Variants in SLX4 observed in about 807,000 individuals in gnomAD.
The protein encoded by SLX4 is SLX4 structure-specific endonuclease subunit, also known as structure-specific endonuclease subunit SLX4.
Under a neutral mutation model 146.2 loss-of-function variants are expected in SLX4, and 112 were observed. That is an observed-to-expected ratio of 0.77 (90% CI 0.66 to 0.90). The LOEUF (loss-of-function observed/expected upper bound fraction) is 0.90. Among genes scored for constraint, SLX4 ranks in the 40% least tolerant of loss-of-function variants. SLX4 has a pLI of 0.00. For synonymous variants in SLX4, 1,061 were observed against 997.7 expected (o/e 1.06, Z -1.20); for missense variants, 2,563 against 2,392.7 (o/e 1.07, Z -1.49).
chr16:3,595,556 C>T (rs2040641814), intron 9 of SLX4, 49 bp downstream of exon 9: 1 of 1,603,296 alleles, frequency 6.2e-7, no homozygotes, highest in African/African-American at 1.3e-5. Flanking sequence ...ACACACATGG[C>T]AAGTGGGATG....
At chr16:3,594,381 C>A (rs1372325894) in intron 10 of SLX4, 72 bp downstream of exon 10, 1 of 1,558,504 alleles carries the variant, frequency 6.4e-7, no homozygotes. Flanking sequence ...CATGGGAAGA[C>A]CTGGTTGGAG....
intron 3 of SLX4, 72 bp downstream of exon 3, chr16:3,606,402 C>G: frequency 6.5e-7 from 1 of 1,533,628 alleles, no homozygotes; most frequent in South Asian, 1.1e-5. Flanking sequence ...AATGCTGATT[C>G]CTTCCCGCCT....
rs147645518 is a variant in SLX4, at chr16:3,584,077, G to A, written c.4740-567C>T. 2.7e-3 allele frequency among the ~76,000 whole-genome samples: 406 copies of A among 152,232 alleles called. 5 individuals are homozygous for A. Among genetic ancestry groups the A allele is most frequent in the African/African-American group, 9.4e-3 (389 of 41,548 alleles). The stretch of plus-strand genomic sequence containing the variant: ...GCAGCAGCAGCTTCCCCGGGTGCCC[G>A]AGTGGAAGAGCAGTGTCATGTGGAT... On this transcript the variant is annotated intron_variant, in intron 13 of 14. Transcript: ENST00000294008.
intron 1 of SLX4, among the ~76,000 whole-genome samples, chr16:3,610,191 A>G (rs1364049754): frequency 2.0e-5 from 3 of 152,220 alleles, no homozygotes; most frequent in South Asian, 2.1e-4. Flanking sequence ...TTCAAATACA[A>G]TAATGCAATC....
intron 3 of SLX4, among the ~76,000 whole-genome samples, chr16:3,603,951 T>C (rs2040756248): frequency 6.6e-6 from 1 of 152,166 alleles, no homozygotes; most frequent in Non-Finnish European, 1.5e-5. Context: ...GTCATAGGGC[T>C]GGGTGTGGTG....
intron 4 of SLX4, 116 bp from the exon 5 acceptor site, chr16:3,601,307 A>T (rs980061536): frequency 6.8e-6 from 7 of 1,028,864 alleles, no homozygotes; most frequent in African/African-American, 3.1e-5. Context: ...CCCAAAGCCA[A>T]TCCCCTCTAC....
rs112596894 is a variant in SLX4, at chr16:3,589,770, G to A, written c.3868C>T (p.His1290Tyr). The change falls in exon 12 of 15, where the codon CAC becomes TAC. Residue 1290 changes from histidine to tyrosine, a missense_variant. Coordinates refer to ENST00000294008, the MANE Select transcript of SLX4 (RefSeq NM_032444.4). This position sits in a 1 kb window ranked among gnomAD's most constrained non-coding sequence, Gnocchi z 6.2. ...SGLAVQAVTQHTPRASVGNRE... is the reference protein window; with the variant it reads ...SGLAVQAVTQYTPRASVGNRE... ...TTTCCTACTGAGGCCCTGGGCGTGT[G>A]CTGAGTCACCGCCTGCACGGCCAGC... 6.2e-6 allele frequency: 10 copies of A among 1,613,436 alleles called. No homozygotes were observed. The South Asian group carries it at 9.9e-5, about 16-fold the overall frequency.
chr16:3,600,769 T>C (rs1596529600), intron 5 of SLX4: 1 of 534,128 alleles, frequency 1.9e-6, no homozygotes, highest in Non-Finnish European at 3.4e-6. Context: ...CTAATTTTTG[T>C]ATTTTTAGTA....
chr16:3,608,843 C>A lies in SLX4; in HGVS notation c.122G>T (p.Gly41Val). The change falls in exon 2 of 15, where the codon GGT (glycine) becomes GTT (valine). Residue 41 changes from glycine to valine, a missense_variant. By Grantham distance (109) the Gly-to-Val change is moderately radical. Coordinates refer to ENST00000294008, the MANE Select transcript of SLX4 (RefSeq NM_032444.4). ...CTCATCAGACTCATCCATCATCTGA[C>A]CAGTTTTAAGGCTTTCAGGCTGGTC... is the stretch of plus-strand genomic sequence containing the variant. ...SEDQPESLKT[G>V]QMMDESDEDF... 1 of 1,614,130 alleles carries A rather than the reference C, an allele frequency of 6.2e-7. No individual in the cohort carries two copies. The highest frequency in any genetic ancestry group is 8.5e-7 in the Non-Finnish European group (1 of 1,180,026).
rs141850312 is a variant in SLX4 at position 3,603,826 on chromosome 16, T to G, written c.761-1519A>C. Among the ~76,000 whole-genome samples, 1,197 of 152,284 alleles carry G rather than the reference T, an allele frequency of 7.9e-3. 15 individuals carry two copies. The highest frequency in any genetic ancestry group is 0.021 in the African/African-American group (857 of 41,560). ...TGCAGCCAATGAGCCTCTAATCTAC[T>G]CAGAGTGGGGCAACCCAATGGTTAG... On this transcript the variant is annotated intron_variant, in intron 3 of 14. Coordinates refer to ENST00000294008, the MANE Select transcript of SLX4 (RefSeq NM_032444.4).
chr16:3,594,637 C>A (rs777122485), intron 9 of SLX4, 38 bp from the exon 10 acceptor site: 2 of 1,613,474 alleles, frequency 1.2e-6, no homozygotes, highest in African/African-American at 1.3e-5. Context: ...CACCTCCCCA[C>A]CTCTGCTCTG....
At position 3,603,940 on chromosome 16, in the gene SLX4, T is replaced by A. The variant is rs187901618; in HGVS notation, c.761-1633A>T. Reference sequence around the variant, plus strand: ...TAGCCTAGCCTCTTCAAAAACTCAGTGTCATAGGGCTGGGTGTGGTGGTTC... The same window carrying A: ...TAGCCTAGCCTCTTCAAAAACTCAGAGTCATAGGGCTGGGTGTGGTGGTTC... On this transcript the variant is annotated intron_variant, in intron 3 of 14. Transcript: ENST00000294008. 4.7e-4 allele frequency among the ~76,000 whole-genome samples: 72 copies of A among 152,172 alleles called. No individual in the cohort carries two copies. The East Asian group carries it at 0.012, about 25-fold the overall frequency.
Position 3,582,291 on chromosome 16 carries a change from C to T in SLX4, c.*51G>A, listed in dbSNP as rs2040444984. On this transcript the variant is annotated 3_prime_UTR_variant, in exon 15 of 15. Coordinates refer to ENST00000294008, the MANE Select transcript of SLX4 (RefSeq NM_032444.4). Reference sequence around the variant, plus strand: ...TGTCCCAGGTCCTCCCTGCAAATGGCGGGGGTGGGGGCTGCTGATGGCAGG... The same window carrying T: ...TGTCCCAGGTCCTCCCTGCAAATGGTGGGGGTGGGGGCTGCTGATGGCAGG... 8.9e-6 allele frequency: 12 copies of T among 1,343,874 alleles called. No homozygotes were observed. The highest frequency in any genetic ancestry group is 5.2e-5 in the African/African-American group (3 of 58,168). 83.2% of individuals were successfully genotyped at this position (1,343,874 alleles called of 1,614,324 possible).
At position 3,590,982 on chromosome 16, in the gene SLX4, C is replaced by A; in HGVS notation, c.2656G>T (p.Val886Phe). The change falls in exon 12 of 15, where the codon GTT becomes TTT. Residue 886 changes from valine (V) to phenylalanine (F), a missense_variant. Transcript: ENST00000294008. This position sits in a 1 kb window ranked among gnomAD's most constrained non-coding sequence, Gnocchi z 4.8. ...ACACCTGCTAGGAGTTGCCCAGAAA[C>A]CGGACTGCCACCCTCCAGCCAGTCA... ...DADWLEGGSP[V>F]SGQLLAGVQV... The A allele has an allele frequency of 1.2e-6, 2 of 1,614,198 alleles. No homozygotes were observed. The highest frequency in any genetic ancestry group is 1.7e-6 in the Non-Finnish European group (2 of 1,180,036).
Position 3,583,380 on chromosome 16 carries a change from G to A in SLX4, c.4870C>T (p.Pro1624Ser), listed in dbSNP as rs759305861. The A allele has an allele frequency of 1.2e-6, 2 of 1,613,132 alleles. No homozygotes were observed. Among genetic ancestry groups the A allele is most frequent in the Non-Finnish European group, 8.5e-7 (1 of 1,179,198 alleles). The change falls in exon 14 of 15, where the codon CCT becomes TCT. Residue 1624 changes from proline to serine, a missense_variant. Pro to Ser is a moderately conservative substitution (Grantham distance 74). Transcript: ENST00000294008. ...SQSSQPLLQA[P>S]HCQTLASQTY... ...TGGGAGGCGAGGGTCTGGCAGTGAG[G>A]CGCCTGCAACAGCGGCTGTGAGGAC...
At chr16:3,599,784 C>T (rs1283600501) in intron 5 of SLX4, among the ~76,000 whole-genome samples, 4 of 152,048 alleles carry the variant, frequency 2.6e-5, no homozygotes, top group Non-Finnish European at 5.9e-5. Context: ...ATGGGTCTTG[C>T]TATGTAGTCC....
Position 3,602,222 on chromosome 16 carries a change from C to T in SLX4, c.846G>A (p.Ser282=), listed in dbSNP as rs745750001. Residue 282 remains serine (S), a synonymous_variant, in exon 4 of 15, where the codon TCG becomes TCA. Coordinates refer to ENST00000294008, the MANE Select transcript of SLX4 (RefSeq NM_032444.4). The part of the protein sequence containing the change: ...LQQEFARVGA[S]AHDDSLEEKG... ...TTTCCTCCAGGCTATCATCATGTGC[C>T]GATGCTCCTACCCGTGCAAACTCCT... 1.7e-5 allele frequency: 27 copies of T among 1,614,176 alleles called. No individual in the cohort carries two copies. The South Asian group carries it at 2.4e-4, about 14-fold the overall frequency.
chr16:3,591,206 C>T lies in SLX4; in HGVS notation c.2432G>A (p.Arg811Lys), dbSNP rs778547872. The T allele has an allele frequency of 5.0e-6, 8 of 1,614,100 alleles. No individual in the cohort carries two copies. Among genetic ancestry groups the T allele is most frequent in the Middle Eastern group, 1.6e-4 (1 of 6,062 alleles). Residue 811 changes from arginine (R) to lysine (K), a missense_variant, in exon 12 of 15, where the codon AGG becomes AAG. Arg to Lys is a conservative substitution (Grantham distance 26). Coordinates refer to ENST00000294008, the MANE Select transcript of SLX4 (RefSeq NM_032444.4). Reference sequence around the variant, plus strand: ...CAAGAGTTCCTGGAAATTCTCGGCCCTGCTTTCGCAATTCTCTGCTTCCTT... The same window carrying T: ...CAAGAGTTCCTGGAAATTCTCGGCCTTGCTTTCGCAATTCTCTGCTTCCTT... ...EEKEAENCES[R>K]AENFQELLRS...
chr16:3,601,991 G>C (rs1035048976), intron 4 of SLX4, 127 bp downstream of exon 4: 2 of 1,048,580 alleles, frequency 1.9e-6, no homozygotes, highest in African/African-American at 3.1e-5. Context: ...TTTAAAAAGG[G>C]GTAGGTTGAC....
Sources: gnomAD v4.1 joint callset for allele counts (sites outside exome capture counted in the v4.1 genomes callset) on GRCh38, gnomAD v4.1.1 for gene constraint, Gnocchi (gnomAD v3.1) non-coding constraint, MANE v1.5 for transcripts, NCBI Gene and HGNC (gene_info 2026-07-23, HGNC 2026-07-21) for gene names.